The following RGS7 variants were observed in gnomAD, a reference collection of about 807,000 sequenced individuals.
RGS7 encodes regulator of G protein signaling 7.
In RGS7, 27 loss-of-function variants were observed where a neutral mutation model predicts 81.1. That is an observed-to-expected ratio of 0.33 (90% CI 0.25 to 0.46). The LOEUF (loss-of-function observed/expected upper bound fraction) is 0.46. Among genes scored for constraint, RGS7 ranks in the 20% least tolerant of loss-of-function variants. The probability of loss-of-function intolerance (pLI) is 1.00; values close to 1 mark genes in which losing one functional copy is unlikely to be tolerated. For missense variants in RGS7, 396 were observed against 607.4 expected, an observed-to-expected ratio of 0.65 and a Z score of 3.66; for synonymous variants, 208 against 207.7, an observed-to-expected ratio of 1.00 and a Z score of -0.01.
intron 2 of RGS7, among the ~76,000 whole-genome samples, chr1:241,329,594 C>G (rs1340326226): frequency 6.6e-6 from 1 of 152,134 alleles, no homozygotes; most frequent in Non-Finnish European, 1.5e-5. Flanking sequence ...TCGGTGATAT[C>G]AGAATACCAT....
intron 2 of RGS7, among the ~76,000 whole-genome samples, chr1:241,213,671 T>C (rs2074381192): frequency 6.6e-6 from 1 of 152,250 alleles, no homozygotes; most frequent in South Asian, 2.1e-4. Context: ...ATCCTTTTGT[T>C]GTAGCTAAAG....
chr1:240,978,130 G>A (rs1448684964), intron 4 of RGS7, among the ~76,000 whole-genome samples: 2 of 152,116 alleles, frequency 1.3e-5, no homozygotes, highest in Admixed American at 1.3e-4. Context: ...AAGTGGAGAC[G>A]ATCCCACTGA....
chr1:241,017,228 G>A (rs771331011), intron 3 of RGS7, among the ~76,000 whole-genome samples: 4 of 152,064 alleles, frequency 2.6e-5, no homozygotes, highest in Non-Finnish European at 5.9e-5. Flanking sequence ...GATTGCTTGA[G>A]GTTAGGAGTC....
At chr1:240,961,519 C>T (rs929810201) in intron 4 of RGS7, among the ~76,000 whole-genome samples, 6 of 152,100 alleles carry the variant, frequency 3.9e-5, no homozygotes, top group Admixed American at 6.5e-5. Context: ...ATGAAAATTG[C>T]TTTTTCAAAC....
In RGS7 at chr1:241,036,220, AT is replaced by A. The variant is rs564157310; in HGVS notation, c.176-53092del. Among the ~76,000 whole-genome samples, 1,427 of 152,352 alleles carry A rather than the reference AT, an allele frequency of 9.4e-3. 28 individuals are homozygous for A. The highest frequency in any genetic ancestry group is 0.033 in the African/African-American group (1,386 of 41,592). ...ATCCATGTCAAACTATGTCTTTAAAATTCACAGAAAATAAAAGAAAGACAAG... is the reference window on the plus strand; with the variant it reads ...ATCCATGTCAAACTATGTCTTTAAAATCACAGAAAATAAAAGAAAGACAAG... On this transcript the variant is annotated intron_variant, in intron 3 of 18. Coordinates refer to ENST00000440928, the MANE Select transcript of RGS7 (RefSeq NM_001364886.1).
intron 2 of RGS7, 63 bp downstream of exon 2, chr1:241,355,635 AG>A: frequency 5.0e-6 from 7 of 1,410,072 alleles, no homozygotes; most frequent in Non-Finnish European, 7.0e-6. Flanking sequence ...TCTGATCTAG[AG>A]GGGGAAAAAA....
At chr1:241,029,779 T>C (rs1367293146) in intron 3 of RGS7, among the ~76,000 whole-genome samples, 4 of 152,174 alleles carry the variant, frequency 2.6e-5, no homozygotes, top group Non-Finnish European at 5.9e-5. Flanking sequence ...AAATATACAA[T>C]ATAGAAATGG....
chr1:241,253,284 A>T (rs1292616405), intron 2 of RGS7, among the ~76,000 whole-genome samples: 1 of 152,164 alleles, frequency 6.6e-6, no homozygotes, highest in Non-Finnish European at 1.5e-5. Flanking sequence ...TCTCACTAAG[A>T]GAGGTGAGAA....
intron 2 of RGS7, among the ~76,000 whole-genome samples, chr1:241,302,497 C>T (rs1180423048): frequency 6.6e-6 from 1 of 152,098 alleles, no homozygotes; most frequent in African/African-American, 2.4e-5. Context: ...TGCAGTGAGC[C>T]AAGATCACGC....
intron 2 of RGS7, among the ~76,000 whole-genome samples, chr1:241,316,725 T>C (rs2080901221): frequency 6.6e-6 from 1 of 152,176 alleles, no homozygotes; most frequent in Non-Finnish European, 1.5e-5. Context: ...GTTTTCTTTT[T>C]TTGTTATATC....
At chr1:240,874,900 C>T (rs953339969) in intron 6 of RGS7, among the ~76,000 whole-genome samples, 4 of 151,830 alleles carry the variant, frequency 2.6e-5, no homozygotes, top group Admixed American at 6.6e-5. Context: ...AATTTAGCTG[C>T]GTGTTGTGGC....
At chr1:241,213,056 C>A (rs929351639) in intron 2 of RGS7, among the ~76,000 whole-genome samples, 3 of 152,168 alleles carry the variant, frequency 2.0e-5, no homozygotes, top group Non-Finnish European at 4.4e-5. Flanking sequence ...CTGAGAATAA[C>A]CTTCAGACAA....
chr1:241,047,733 C>CTTTTTTTTTTTT (rs34738551), intron 3 of RGS7, among the ~76,000 whole-genome samples: 4 of 89,514 alleles, frequency 4.5e-5, no homozygotes, highest in Non-Finnish European at 6.2e-5. Context: ...GTTTACAATC[C>CTTTTTTTTTTTT]TTTTTTTTTT....
intron 2 of RGS7, among the ~76,000 whole-genome samples, chr1:241,133,838 A>G (rs1272092186): frequency 6.6e-6 from 1 of 152,212 alleles, no homozygotes; most frequent in African/African-American, 2.4e-5. Flanking sequence ...TGTTGTGCCA[A>G]ACACTAATTT....
At chr1:241,353,853 A>C (rs1338938194) in intron 2 of RGS7, among the ~76,000 whole-genome samples, 1 of 152,162 alleles carries the variant, frequency 6.6e-6, no homozygotes, top group Non-Finnish European at 1.5e-5. Context: ...CAAAATTACC[A>C]ATATGAGGCT....
intron 2 of RGS7, among the ~76,000 whole-genome samples, chr1:241,264,343 CA>C (rs1322824449): frequency 6.6e-6 from 1 of 152,006 alleles, no homozygotes; most frequent in Non-Finnish European, 1.5e-5. Flanking sequence ...ACTAAAGATA[CA>C]AAAATTAGCT....
At chr1:241,224,589 A>G (rs1482564256) in intron 2 of RGS7, among the ~76,000 whole-genome samples, 1 of 152,228 alleles carries the variant, frequency 6.6e-6, no homozygotes, top group Non-Finnish European at 1.5e-5. Flanking sequence ...GAAAATCTAC[A>G]GCAATAATTT....
chr1:240,865,595 A>G (rs528640535), intron 9 of RGS7, among the ~76,000 whole-genome samples: 1 of 152,372 alleles, frequency 6.6e-6, no homozygotes, highest in Middle Eastern at 3.4e-3. Context: ...CAGTCAGGAC[A>G]GACTATGAAG....
At chr1:240,902,160 A>G (rs953446694) in intron 6 of RGS7, among the ~76,000 whole-genome samples, 6 of 152,228 alleles carry the variant, frequency 3.9e-5, no homozygotes, top group African/African-American at 1.2e-4. Flanking sequence ...GCAAACTACT[A>G]AAACCATCAG....
Sources: allele counts gnomAD v4.1 joint callset (sites outside exome capture counted in the v4.1 genomes callset), GRCh38; gene constraint gnomAD v4.1.1; transcripts MANE v1.5; gene names NCBI Gene and HGNC (gene_info 2026-07-23, HGNC 2026-07-21).